Variants in ABCB7 observed in about 807,000 individuals in gnomAD.
The protein encoded by ABCB7 is ATP binding cassette subfamily B member 7.
ABCB7 carries 7 observed loss-of-function variants against 54.4 expected under a neutral mutation model. The observed-to-expected ratio is 0.13, with a 90% confidence interval of 0.07 to 0.24. The LOEUF is 0.24. ABCB7 is among the 10% of genes least tolerant of loss of function. The probability of loss-of-function intolerance (pLI) is 1.00; values close to 1 mark genes in which losing one functional copy is unlikely to be tolerated. For synonymous variants in ABCB7, 218 were observed against 207.1 expected (o/e 1.05, Z -0.45); for missense variants, 356 against 570.4 (o/e 0.62, Z 3.83).
At chrX:75,108,320 G>A (rs2081723303) in intron 3 of ABCB7, among the ~76,000 whole-genome samples, 1 of 111,490 alleles carries the variant, frequency 9.0e-6, no homozygotes, top group Non-Finnish European at 1.9e-5. Context: ...AAGAATGTGG[G>A]CCTGGCTGGC....
chrX:75,094,795 G>C (rs773864403), intron 4 of ABCB7, among the ~76,000 whole-genome samples: 4 of 110,492 alleles, frequency 3.6e-5, no homozygotes, highest in Non-Finnish European at 7.6e-5. Context: ...TGTATAGATG[G>C]TAAAAAAAAT....
At chrX:75,099,846 G>A (rs2081624750) in intron 3 of ABCB7, among the ~76,000 whole-genome samples, 1 of 105,566 alleles carries the variant, frequency 9.5e-6, no homozygotes, top group African/African-American at 3.5e-5. Flanking sequence ...TTGATTTCTG[G>A]AAAAGGTATT....
chrX:75,144,850 G>A (rs749062298), intron 1 of ABCB7, among the ~76,000 whole-genome samples: 4 of 111,009 alleles, frequency 3.6e-5, no homozygotes, highest in South Asian at 3.8e-4. Context: ...TCCCAATTCC[G>A]CAATGAAGTA....
intron 1 of ABCB7, among the ~76,000 whole-genome samples, chrX:75,138,888 G>A (rs1373035499): frequency 1.8e-5 from 2 of 108,405 alleles, no homozygotes; most frequent in Non-Finnish European, 3.8e-5. Flanking sequence ...TGCACCTGTA[G>A]TCCCAGCTAC....
At chrX:75,098,125 A>G (rs921488547) in intron 4 of ABCB7, among the ~76,000 whole-genome samples, 1 of 110,935 alleles carries the variant, frequency 9.0e-6, no homozygotes, top group African/African-American at 3.3e-5. Flanking sequence ...CCTGGTCAAC[A>G]TGGTGAAACC....
At position 75,076,582 on chromosome X, in the gene ABCB7, G is replaced by C. The variant is rs918343217; in HGVS notation, c.526C>G (p.Leu176Val). 2 of 1,209,135 alleles carry C rather than the reference G, an allele frequency of 1.7e-6. No individual in the cohort carries two copies. The highest frequency in any genetic ancestry group is 3.5e-5 in the African/African-American group (2 of 57,250). ...DSLNQMSGNM[L>V]NLSDAPNTVA... ...GTATTTGGTGCATCACTCAGGTTCA[G>C]CATGTTTCCCGACATCTGGTTGAGG... is the stretch of plus-strand genomic sequence containing the variant. The change falls in exon 5 of 16, where the codon CTG becomes GTG. Residue 176 changes from leucine (L) to valine (V), a missense_variant. Around this residue, in one of 2 missense-constraint regions of ABCB7, gnomAD observed 241 missense variants for 470.9 expected, o/e 0.51. Coordinates refer to ENST00000373394, the MANE Select transcript of ABCB7 (RefSeq NM_001271696.3).
intron 4 of ABCB7, among the ~76,000 whole-genome samples, chrX:75,098,324 A>G (rs5937942): frequency 9.2e-6 from 1 of 108,788 alleles, no homozygotes; most frequent in East Asian, 2.9e-4. Context: ...AAAAAAAAAG[A>G]AAAAAAAATC....
chrX:75,070,167 C>A (rs1400689979), intron 10 of ABCB7, among the ~76,000 whole-genome samples, 198 bp downstream of exon 10: 1 of 111,342 alleles, frequency 9.0e-6, no homozygotes, highest in Non-Finnish European at 1.9e-5. Context: ...AGCCACCATG[C>A]GTGGCCAGGT....
chrX:75,106,043 T>C (rs1030394151), intron 3 of ABCB7, among the ~76,000 whole-genome samples: 1 of 111,707 alleles, frequency 9.0e-6, no homozygotes, highest in African/African-American at 3.2e-5. Flanking sequence ...TTTCTAGACA[T>C]TGGCCTAGGT....
intron 13 of ABCB7, among the ~76,000 whole-genome samples, chrX:75,064,335 T>C (rs2081302280): frequency 9.0e-6 from 1 of 111,400 alleles, no homozygotes; most frequent in African/African-American, 3.3e-5. Context: ...ATAGAGTATT[T>C]CTCATTCTAT....
At chrX:75,149,806 T>C (rs910233212) in intron 1 of ABCB7, among the ~76,000 whole-genome samples, 2 of 110,924 alleles carry the variant, frequency 1.8e-5, no homozygotes, top group African/African-American at 6.6e-5. Context: ...GACTGACCTT[T>C]GAACTAACAT....
At chrX:75,070,584 G>A (rs765315570) in intron 9 of ABCB7, 62 bp from the exon 10 acceptor site, 9 of 1,077,895 alleles carry the variant, frequency 8.3e-6, no homozygotes, top group East Asian at 3.0e-5. Flanking sequence ...TCCAATTTAC[G>A]ATAGGTTTAT....
Position 75,062,397 on chromosome X carries a change from G to A in ABCB7, c.1866C>T (p.Ala622=). The A allele has an allele frequency of 8.3e-7, 1 of 1,210,666 alleles. No homozygotes were observed. The highest frequency in any genetic ancestry group is 1.8e-5 in the South Asian group (1 of 56,951). The change falls in exon 14 of 16, where the codon GCC becomes GCT. Residue 622 remains alanine (A), a synonymous_variant. Coordinates refer to ENST00000373394, the MANE Select transcript of ABCB7 (RefSeq NM_001271696.3). ...GTATGACTGGGGGGTCCTTCAAAATGGCTCTTGCAATTGCTACTCTTTGCT... is the reference window on the plus strand; with the variant it reads ...GTATGACTGGGGGGTCCTTCAAAATAGCTCTTGCAATTGCTACTCTTTGCT... ...GEKQRVAIAR[A]ILKDPPVILY...
At chrX:75,091,583 A>C (rs892061191) in intron 4 of ABCB7, among the ~76,000 whole-genome samples, 16 of 111,186 alleles carry the variant, frequency 1.4e-4, no homozygotes, top group Non-Finnish European at 1.1e-4. Flanking sequence ...AGCTAATGCA[A>C]TAAGAAAAGG....
intron 1 of ABCB7, among the ~76,000 whole-genome samples, chrX:75,115,410 CTTTTTTTTTTTTTTTTTTTT>C (rs747398607): frequency 3.3e-5 from 1 of 30,187 alleles, no homozygotes; most frequent in Admixed American, 3.9e-4. Flanking sequence ...TGTCTCTTTT[CTTTTTTTTTTTTTTTTTTTT>C]TTTTTTTTGG....
At chrX:75,082,994 A>C (rs2081468139) in intron 4 of ABCB7, among the ~76,000 whole-genome samples, 1 of 111,950 alleles carries the variant, frequency 8.9e-6, no homozygotes, top group Non-Finnish European at 1.9e-5. Flanking sequence ...CAATATTATC[A>C]ATATATTACA....
chrX:75,092,848 A>G (rs2081556062), intron 4 of ABCB7, among the ~76,000 whole-genome samples: 1 of 112,163 alleles, frequency 8.9e-6, no homozygotes, highest in African/African-American at 3.2e-5. Flanking sequence ...TTTGTAAATT[A>G]GAACAAAAGT....
At chrX:75,123,874 A>G (rs997031390) in intron 1 of ABCB7, among the ~76,000 whole-genome samples, 1 of 112,125 alleles carries the variant, frequency 8.9e-6, no homozygotes, top group Non-Finnish European at 1.9e-5. Flanking sequence ...CTGTCATTGT[A>G]GCATGAAAGC....
intron 12 of ABCB7, among the ~76,000 whole-genome samples, chrX:75,068,436 C>G (rs1283188298): frequency 1.8e-5 from 2 of 111,956 alleles, no homozygotes; most frequent in African/African-American, 6.5e-5. Context: ...CAAAGTAACA[C>G]AGTAAGTGTT....
Sources: allele counts gnomAD v4.1 joint callset (sites outside exome capture counted in the v4.1 genomes callset), GRCh38; gene constraint gnomAD v4.1.1; regional missense constraint gnomAD v4.1.1; transcripts MANE v1.5; gene names NCBI Gene and HGNC (gene_info 2026-07-23, HGNC 2026-07-21).